LYSMD3: variants seen among roughly 807,000 people sequenced by gnomAD.
LYSMD3 encodes LysM domain containing 3.
A neutral mutation model predicts 26.1 loss-of-function variants in LYSMD3; 13 were observed. The ratio of observed to expected loss-of-function variants is 0.50; its 90% CI spans 0.32 to 0.79. The LOEUF is 0.79. Ranked by LOEUF, LYSMD3 falls within the 30% of genes least tolerant of loss-of-function variation. The pLI, the probability that LYSMD3 is intolerant of heterozygous loss-of-function variation, is 0.03. For synonymous variants in LYSMD3, 109 were observed against 119.4 expected, an observed-to-expected ratio of 0.91 and a Z score of 0.57; for missense variants, 331 against 362.5, an observed-to-expected ratio of 0.91 and a Z score of 0.71.
At chr5:90,528,505 C>G (rs140483644) in intron 1 of LYSMD3, among the ~76,000 whole-genome samples, 1 of 152,304 alleles carries the variant, frequency 6.6e-6, no homozygotes, top group African/African-American at 2.4e-5. Context: ...ACCTGTCTCA[C>G]TATCTCTCCA....
chr5:90,524,198 G>A (rs1435467820), intron 2 of LYSMD3, among the ~76,000 whole-genome samples: 1 of 152,154 alleles, frequency 6.6e-6, no homozygotes, highest in African/African-American at 2.4e-5. Context: ...AAAATAATGA[G>A]TTAATAAGGC....
In LYSMD3 at chr5:90,529,554, G is replaced by T. The variant is rs1177235099; in HGVS notation, c.-118C>A. The stretch of plus-strand genomic sequence containing the variant: ...CGAGCCTCTGCTTTGGGCTGACCCC[G>T]TCCGCCTCCGCCTCTGCCGCCAACG... On this transcript the variant is annotated 5_prime_UTR_variant, in exon 1 of 3. Transcript: ENST00000315948. 1 of 456,580 alleles carries T rather than the reference G, an allele frequency of 2.2e-6. No homozygotes were observed. The highest frequency in any genetic ancestry group is 4.4e-6 in the Non-Finnish European group (1 of 226,926). The allele number at this position is 456,580 out of a possible 1,614,324, so 28.3% of individuals were successfully genotyped here.
chr5:90,519,126 C>G lies in LYSMD3; in HGVS notation c.614G>C (p.Arg205Pro), dbSNP rs762451880. 1 of 1,613,992 alleles carries G rather than the reference C, an allele frequency of 6.2e-7. No individual in the cohort carries two copies. Among genetic ancestry groups the G allele is most frequent in the African/African-American group, 1.3e-5 (1 of 74,910 alleles). The change falls in exon 3 of 3, where the codon CGT becomes CCT. Residue 205 changes from arginine (R) to proline (P), a missense_variant. Around this residue, in one of 3 missense-constraint regions of LYSMD3, gnomAD observed 262 missense variants for 267.3 expected, o/e 0.98. Transcript: ENST00000315948. ...GTCTGCTCCATAATAGGGGTCTTTA[C>G]GTTGAGTGTTTTTGTTATCAGGTTC... ...RFEPDNKNTQ[R>P]KDPYYGADWG...
At chr5:90,528,776 A>G (rs1001566169) in intron 1 of LYSMD3, among the ~76,000 whole-genome samples, 2 of 152,178 alleles carry the variant, frequency 1.3e-5, no homozygotes, top group Non-Finnish European at 2.9e-5. Context: ...CGTGCTACCT[A>G]GATTACGAGG....
At chr5:90,525,512 C>G (rs539401860) in intron 1 of LYSMD3, among the ~76,000 whole-genome samples, 22 of 152,216 alleles carry the variant, frequency 1.4e-4, no homozygotes, top group African/African-American at 5.3e-4. Context: ...TGCAGTAGTG[C>G]GATCTCAGCT....
chr5:90,515,969 G>A lies in LYSMD3; in HGVS notation c.*2850C>T, dbSNP rs1024600297. The A allele has an allele frequency of 1.3e-5, 2 of 152,030 alleles. No homozygotes were observed. Among genetic ancestry groups the A allele is most frequent in the Admixed American group, 6.6e-5 (1 of 15,254 alleles). 9.4% of individuals were successfully genotyped at this position (152,030 alleles called of 1,614,324 possible). A position where few individuals can be genotyped will look rare whatever the true frequency, so the allele number is the denominator to read the frequency against. ...AACTCCACCTTTACCCTGTAACACT[G>A]ACTAGATCCTTGCTTCATGATATTT... is the stretch of plus-strand genomic sequence containing the variant. On this transcript the variant is annotated 3_prime_UTR_variant, in exon 3 of 3. Coordinates refer to ENST00000315948, the MANE Select transcript of LYSMD3 (RefSeq NM_198273.2).
intron 2 of LYSMD3, among the ~76,000 whole-genome samples, chr5:90,524,152 T>C (rs1349712950): frequency 2.0e-5 from 3 of 152,144 alleles, no homozygotes; most frequent in African/African-American, 7.2e-5. Flanking sequence ...TTAAAAATAC[T>C]GGAACGTTAA....
Position 90,519,143 on chromosome 5 carries a change from A to T in LYSMD3, c.597T>A (p.Asp199Glu), listed in dbSNP as rs1203403595. Residue 199 changes from aspartate to glutamate, a missense_variant, in exon 3 of 3, where the codon GAT becomes GAA. Transcript: ENST00000315948. ...LTAQQMRFEP[D>E]NKNTQRKDPY... is the part of the protein sequence containing the mutation. ...GGTCTTTACGTTGAGTGTTTTTGTT[A>T]TCAGGTTCAAAACGCATTTGTTGTG... The T allele has an allele frequency of 6.2e-7, 1 of 1,614,096 alleles. No individual in the cohort carries two copies. Among genetic ancestry groups the T allele is most frequent in the Admixed American group, 1.7e-5 (1 of 60,016 alleles).
Position 90,518,779 on chromosome 5 carries a change from A to C in LYSMD3, c.*40T>G. Reference sequence around the variant, plus strand: ...ATATAACTGATTCACCACATTCCAGATGCACATGTGACCACTAACATTTGA... The same window carrying C: ...ATATAACTGATTCACCACATTCCAGCTGCACATGTGACCACTAACATTTGA... On this transcript the variant is annotated 3_prime_UTR_variant, in exon 3 of 3. Coordinates refer to ENST00000315948, the MANE Select transcript of LYSMD3 (RefSeq NM_198273.2). The C allele has an allele frequency of 1.0e-6, 1 of 972,594 alleles. No individual in the cohort carries two copies. Among genetic ancestry groups the C allele is most frequent in the South Asian group, 2.7e-5 (1 of 36,790 alleles). 60.2% of individuals were successfully genotyped at this position (972,594 alleles called of 1,614,324 possible). A position where few individuals can be genotyped will look rare whatever the true frequency, so the allele number is the denominator to read the frequency against.
At chr5:90,525,474 G>A (rs1753202433) in intron 1 of LYSMD3, among the ~76,000 whole-genome samples, 174 bp from the exon 2 acceptor site, 1 of 152,032 alleles carries the variant, frequency 6.6e-6, no homozygotes, top group African/African-American at 2.4e-5. Flanking sequence ...TTTTGAGATG[G>A]AGTCTCACTC....
chr5:90,516,407 T>C lies in LYSMD3; in HGVS notation c.*2412A>G, dbSNP rs933409676. On this transcript the variant is annotated 3_prime_UTR_variant, in exon 3 of 3. Coordinates refer to ENST00000315948, the MANE Select transcript of LYSMD3 (RefSeq NM_198273.2). ...TTTACATTGCATACAAGTACATGCG[T>C]GCACACATGCAGACACACACACAGA... 2.0e-5 allele frequency: 3 copies of C among 152,094 alleles called. No individual in the cohort carries two copies. Among genetic ancestry groups the C allele is most frequent in the Admixed American group, 6.5e-5 (1 of 15,268 alleles). The allele number at this position is 152,094 out of a possible 1,614,324, so 9.4% of individuals were successfully genotyped here. A position where few individuals can be genotyped will look rare whatever the true frequency, so the allele number is the denominator to read the frequency against.
chr5:90,524,754 G>A (rs1379010134), intron 2 of LYSMD3, among the ~76,000 whole-genome samples: 1 of 152,026 alleles, frequency 6.6e-6, no homozygotes, highest in Non-Finnish European at 1.5e-5. Flanking sequence ...AACACGCCCG[G>A]CTAATTTTTT....
chr5:90,521,390 G>T (rs1753085200), intron 2 of LYSMD3, among the ~76,000 whole-genome samples: 1 of 151,988 alleles, frequency 6.6e-6, no homozygotes, highest in Non-Finnish European at 1.5e-5. Flanking sequence ...AGGGTCTTTA[G>T]CAGGGAGTAG....
Position 90,518,725 on chromosome 5 carries a change from C to G in LYSMD3, c.*94G>C. 6 of 1,282,740 alleles carry G rather than the reference C, an allele frequency of 4.7e-6. No individual in the cohort carries two copies. The highest frequency in any genetic ancestry group is 6.5e-6 in the Non-Finnish European group (6 of 929,592). The allele number at this position is 1,282,740 out of a possible 1,614,324, so 79.5% of individuals were successfully genotyped here. A position where few individuals can be genotyped will look rare whatever the true frequency, so the allele number is the denominator to read the frequency against. On this transcript the variant is annotated 3_prime_UTR_variant, in exon 3 of 3. Coordinates refer to ENST00000315948, the MANE Select transcript of LYSMD3 (RefSeq NM_198273.2). ...AAAAACAAAAGCATCCTCAATCTCT[C>G]TAAATTCTGCCTTTGAAGCTATTAT...
Position 90,519,390 on chromosome 5 carries a change from A to G in LYSMD3, c.350T>C (p.Leu117Ser), listed in dbSNP as rs373181351. 6.1e-5 allele frequency: 99 copies of G among 1,613,970 alleles called. No individual in the cohort carries two copies. In the African/African-American group the frequency reaches 1.3e-3, roughly 21 times the overall value. ...IKIPVKKFSS[L>S]TETLCPPKGR... is the part of the protein sequence containing the mutation. ...TTTTGGAGGACAAAGTGTTTCGGTC[A>G]AGGAACTGAACTTTTTTACTGGAAT... The change falls in exon 3 of 3, where the codon TTG becomes TCG. Residue 117 changes from leucine to serine, a missense_variant. Around this residue, in one of 3 missense-constraint regions of LYSMD3, gnomAD observed 262 missense variants for 267.3 expected, o/e 0.98. Coordinates refer to ENST00000315948, the MANE Select transcript of LYSMD3 (RefSeq NM_198273.2).
At chr5:90,527,345 T>C (rs1417058833) in intron 1 of LYSMD3, among the ~76,000 whole-genome samples, 1 of 152,050 alleles carries the variant, frequency 6.6e-6, no homozygotes, top group African/African-American at 2.4e-5. Context: ...ATGCTAAACC[T>C]GTACAGGTAT....
At chr5:90,526,480 TTTAA>T (rs1264665768) in intron 1 of LYSMD3, among the ~76,000 whole-genome samples, 40 of 152,342 alleles carry the variant, frequency 2.6e-4, no homozygotes, top group African/African-American at 9.4e-4. Context: ...ATCTACTCTC[TTTAA>T]TTAGGAACAC....
chr5:90,529,571 C>T lies in LYSMD3; in HGVS notation c.-135G>A. On this transcript the variant is annotated 5_prime_UTR_variant, in exon 1 of 3. Transcript: ENST00000315948. ...CTGACCCCGTCCGCCTCCGCCTCTG[C>T]CGCCAACGTCTCCGCCTTCCGGGCC... The T allele has an allele frequency of 2.2e-6, 1 of 456,248 alleles. No homozygotes were observed. Among genetic ancestry groups the T allele is most frequent in the Admixed American group, 2.3e-5 (1 of 42,566 alleles). 28.3% of individuals were successfully genotyped at this position (456,248 alleles called of 1,614,324 possible).
At position 90,525,215 on chromosome 5, in the gene LYSMD3, T is replaced by C; in HGVS notation, c.75A>G (p.Gly25=). The C allele has an allele frequency of 3.1e-6, 5 of 1,614,006 alleles. No individual in the cohort carries two copies. The highest frequency in any genetic ancestry group is 4.2e-6 in the Non-Finnish European group (5 of 1,180,000). Residue 25 remains glycine (G), a synonymous_variant, in exon 2 of 3, where the codon GGA becomes GGG. Coordinates refer to ENST00000315948, the MANE Select transcript of LYSMD3 (RefSeq NM_198273.2). ...VQSSGQVHAF[G]NCSDSDILEE... is the part of the protein sequence containing the mutation. Reference sequence around the variant, plus strand: ...CCAAAATATCACTGTCTGAACAATTTCCAAATGCATGTACTTGACCACTTG... The same window carrying C: ...CCAAAATATCACTGTCTGAACAATTCCCAAATGCATGTACTTGACCACTTG...
Sources: allele counts gnomAD v4.1 joint callset (sites outside exome capture counted in the v4.1 genomes callset), GRCh38; gene constraint gnomAD v4.1.1; regional missense constraint gnomAD v4.1.1; transcripts MANE v1.5; gene names NCBI Gene and HGNC (gene_info 2026-07-23, HGNC 2026-07-21).